The following CGRRF1 variants were observed in gnomAD, a reference collection of about 807,000 sequenced individuals.
CGRRF1 encodes cell growth regulator with RING finger domain protein 1.
Under a neutral mutation model 37.2 loss-of-function variants are expected in CGRRF1, and 32 were observed. The observed-to-expected ratio is 0.86, with a 90% CI of 0.65 to 1.16. The LOEUF is 1.16. Among genes scored for constraint, CGRRF1 ranks in the 50% most tolerant of loss-of-function variants. The probability of loss-of-function intolerance (pLI) is 0.00; values close to 1 mark genes in which losing one functional copy is unlikely to be tolerated. For synonymous variants in CGRRF1, 141 were observed against 140.3 expected (o/e 1.00, Z -0.04); for missense variants, 391 against 382.6 (o/e 1.02, Z -0.18).
Position 54,530,095 on chromosome 14 carries a change from A to AT in CGRRF1, c.292dup (p.Cys98LeufsTer12). ...ATTGCCTTGAAGATAGCCTCCTTAC[A>AT]TGCTACTGGGGGTGCAGTGTTCAAA... On this transcript the variant is annotated frameshift_variant, in exon 3 of 6. Coordinates refer to ENST00000216420, the MANE Select transcript of CGRRF1 (RefSeq NM_006568.3). LOFTEE classifies it high-confidence loss of function. The AT allele has an allele frequency of 6.2e-7, 1 of 1,613,250 alleles. No homozygotes were observed. Among genetic ancestry groups the AT allele is most frequent in the Non-Finnish European group, 8.5e-7 (1 of 1,179,328 alleles).
chr14:54,516,199 A>T (rs2032213539), intron 1 of CGRRF1, among the ~76,000 whole-genome samples: 4 of 152,180 alleles, frequency 2.6e-5, no homozygotes, highest in Non-Finnish European at 5.9e-5. Context: ...TTTTAAAGAG[A>T]TATAAGAAAA....
intron 2 of CGRRF1, among the ~76,000 whole-genome samples, chr14:54,525,447 G>A (rs8022285): frequency 6.6e-6 from 1 of 152,172 alleles, no homozygotes; most frequent in African/African-American, 2.4e-5. Context: ...TATTACTGAA[G>A]TCATGAAAAA....
chr14:54,515,771 T>C (rs1329926077), intron 1 of CGRRF1, among the ~76,000 whole-genome samples: 1 of 152,196 alleles, frequency 6.6e-6, no homozygotes, highest in East Asian at 1.9e-4. Context: ...ATACATCTTT[T>C]TTTCATCCTT....
chr14:54,510,049 C>T lies in CGRRF1; in HGVS notation c.90C>T (p.Gly30=), dbSNP rs1321367015. The T allele has an allele frequency of 1.2e-6, 2 of 1,611,534 alleles. No individual in the cohort carries two copies. Among genetic ancestry groups the T allele is most frequent in the East Asian group, 2.2e-5 (1 of 44,864 alleles). Residue 30 remains glycine (G), a synonymous_variant, in exon 1 of 6, where the codon GGC becomes GGT. Transcript: ENST00000216420. ...VVFTCFIVTT[G]LVLGWFGWDV... The stretch of plus-strand genomic sequence containing the variant: ...TTACCTGCTTCATCGTGACCACCGG[C>T]CTGGTATTGGGATGGTAAGTGTCCC...
chr14:54,513,018 A>G (rs1471317016), intron 1 of CGRRF1, among the ~76,000 whole-genome samples: 1 of 152,176 alleles, frequency 6.6e-6, no homozygotes, highest in African/African-American at 2.4e-5. Context: ...AACATTTTTC[A>G]TATGAAAATT....
intron 2 of CGRRF1, among the ~76,000 whole-genome samples, chr14:54,528,247 G>T (rs564606751): frequency 1.0e-4 from 13 of 124,820 alleles, no homozygotes; most frequent in African/African-American, 3.1e-4. Context: ...GAGTCTCACT[G>T]TGTCAGCCAG....
intron 4 of CGRRF1, among the ~76,000 whole-genome samples, chr14:54,535,404 A>G (rs879884868): frequency 1.5e-5 from 2 of 132,642 alleles, no homozygotes; most frequent in Admixed American, 7.7e-5. Flanking sequence ...CTTTTTGTAA[A>G]TTAAAACATT....
At chr14:54,528,678 T>C (rs1201023008) in intron 2 of CGRRF1, among the ~76,000 whole-genome samples, 4 of 152,232 alleles carry the variant, frequency 2.6e-5, no homozygotes, top group African/African-American at 9.6e-5. Flanking sequence ...ATAAATAAAA[T>C]GTTTTCCTTC....
At chr14:54,512,790 A>G (rs1243296801) in intron 1 of CGRRF1, among the ~76,000 whole-genome samples, 1 of 152,170 alleles carries the variant, frequency 6.6e-6, no homozygotes, top group Non-Finnish European at 1.5e-5. Context: ...AGCCTTATGC[A>G]CTTCCTTAAA....
At chr14:54,521,013 A>T (rs1014746456) in intron 1 of CGRRF1, among the ~76,000 whole-genome samples, 1 of 152,178 alleles carries the variant, frequency 6.6e-6, no homozygotes, top group Non-Finnish European at 1.5e-5. Context: ...AATTGAGTAA[A>T]GTAGCTGTTT....
intron 1 of CGRRF1, among the ~76,000 whole-genome samples, chr14:54,514,750 C>T (rs1352170193): frequency 2.0e-5 from 3 of 152,218 alleles, no homozygotes; most frequent in African/African-American, 4.8e-5. Context: ...CTTCTAATTT[C>T]CTTGTAAGTA....
intron 1 of CGRRF1, among the ~76,000 whole-genome samples, chr14:54,521,520 T>C (rs899667651): frequency 2.0e-5 from 3 of 152,036 alleles, no homozygotes; most frequent in African/African-American, 7.2e-5. Context: ...TTTTTTCTTT[T>C]GAGAGACGAA....
At chr14:54,515,351 CGAAG>C (rs1490918084) in intron 1 of CGRRF1, among the ~76,000 whole-genome samples, 3 of 151,834 alleles carry the variant, frequency 2.0e-5, no homozygotes, top group Non-Finnish European at 2.9e-5. Context: ...GATGACCTCC[CGAAG>C]TGCTGGGATT....
chr14:54,527,162 T>C (rs1412268376), intron 2 of CGRRF1, among the ~76,000 whole-genome samples: 1 of 152,124 alleles, frequency 6.6e-6, no homozygotes, highest in Non-Finnish European at 1.5e-5. Flanking sequence ...AGTGATGTCA[T>C]GTGTGTACTG....
intron 2 of CGRRF1, among the ~76,000 whole-genome samples, chr14:54,529,401 T>C (rs574418435): frequency 1.3e-5 from 2 of 152,386 alleles, no homozygotes; most frequent in Admixed American, 6.5e-5. Context: ...CAAATTGTTA[T>C]ATCTTCTTAA....
chr14:54,538,243 T>C lies in CGRRF1; in HGVS notation c.859T>C (p.Leu287=), dbSNP rs770517753. 4.3e-6 allele frequency: 7 copies of C among 1,614,194 alleles called. No homozygotes were observed. In the South Asian group the frequency reaches 6.6e-5, roughly 15 times the overall value. Residue 287 remains leucine, a synonymous_variant, in exon 6 of 6, where the codon TTA becomes CTA. Coordinates refer to ENST00000216420, the MANE Select transcript of CGRRF1 (RefSeq NM_006568.3). ...GAATGGGACTGTGAACTGGGTACTCTTACCATGCAGACACACATGCCTGTG... is the reference window on the plus strand; with the variant it reads ...GAATGGGACTGTGAACTGGGTACTCCTACCATGCAGACACACATGCCTGTG... ...CQNGTVNWVL[L]PCRHTCLCDG... is the part of the protein sequence containing the mutation.
intron 1 of CGRRF1, among the ~76,000 whole-genome samples, chr14:54,517,340 G>A (rs1361994815): frequency 1.3e-5 from 2 of 152,078 alleles, no homozygotes; most frequent in African/African-American, 4.8e-5. Context: ...TCTGTTAGAG[G>A]CTTGCTTTTC....
chr14:54,529,605 C>T (rs1422450285), intron 2 of CGRRF1, among the ~76,000 whole-genome samples: 5 of 152,136 alleles, frequency 3.3e-5, no homozygotes, highest in East Asian at 1.9e-4. Flanking sequence ...CTTACAACAG[C>T]GATCATGTTG....
At chr14:54,530,639 A>G in intron 3 of CGRRF1, 7 of 840,466 alleles carry the variant, frequency 8.3e-6, no homozygotes, top group Middle Eastern at 3.9e-4. Flanking sequence ...TCTTACGGAT[A>G]AAGTGTTGCT....
Sources: allele counts gnomAD v4.1 joint callset (sites outside exome capture counted in the v4.1 genomes callset), GRCh38; gene constraint gnomAD v4.1.1; transcripts MANE v1.5; gene names NCBI Gene and HGNC (gene_info 2026-07-23, HGNC 2026-07-21).